Variants in TBC1D13 observed in about 807,000 individuals in gnomAD.
TBC1D13 encodes TBC1 domain family member 13.
TBC1D13 carries 40 observed loss-of-function variants against 53.6 expected under a neutral mutation model. The ratio of observed to expected loss-of-function variants is 0.75; its 90% CI spans 0.58 to 0.97. TBC1D13 has a LOEUF of 0.97. TBC1D13 is among the 50% of genes least tolerant of loss of function. The pLI, the probability that TBC1D13 is intolerant of heterozygous loss-of-function variation, is 0.00. For synonymous variants in TBC1D13, 182 were observed against 197.7 expected (o/e 0.92, Z 0.67); for missense variants, 377 against 499.4 (o/e 0.75, Z 2.34).
intron 11 of TBC1D13, 62 bp from the exon 12 acceptor site, chr9:128,807,752 G>T (rs751353040): frequency 1.2e-5 from 18 of 1,550,110 alleles, no homozygotes; most frequent in Non-Finnish European, 1.5e-5. Context: ...AGCAGGGAGG[G>T]TGTGGGTGTG....
chr9:128,799,792 C>T (rs140772379), intron 7 of TBC1D13, among the ~76,000 whole-genome samples: 21 of 152,274 alleles, frequency 1.4e-4, no homozygotes, highest in Non-Finnish European at 2.4e-4. Flanking sequence ...GAGGCTGAGG[C>T]GGGCGGATCA....
chr9:128,801,887 G>T (rs899422443), intron 7 of TBC1D13, among the ~76,000 whole-genome samples: 6 of 149,864 alleles, frequency 4.0e-5, no homozygotes, highest in African/African-American at 9.9e-5. Context: ...TCAGTCTCCC[G>T]AGTAGCTGGG....
rs1364079476 is a variant in TBC1D13, at chr9:128,806,035, A to T, written c.1079+16A>T. 1 of 1,610,714 alleles carries T rather than the reference A, an allele frequency of 6.2e-7. No individual in the cohort carries two copies. Among genetic ancestry groups the T allele is most frequent in the Non-Finnish European group, 8.5e-7 (1 of 1,177,602 alleles). On this transcript the variant is annotated intron_variant, in intron 10 of 11. Transcript: ENST00000372648. The stretch of plus-strand genomic sequence containing the variant: ...CCATGCTCATGTGAGTGCGGGCATG[A>T]GCTGTCATCAGCTCACCTGGGCAGT...
At chr9:128,787,401 G>T in intron 1 of TBC1D13, 25 bp downstream of exon 1, 1 of 1,255,920 alleles carries the variant, frequency 8.0e-7, no homozygotes, top group East Asian at 3.1e-5. Flanking sequence ...GGCCTGACCC[G>T]GCTGGGCCAC....
At chr9:128,792,628 T>C in intron 6 of TBC1D13, 54 bp downstream of exon 6, 1 of 1,511,576 alleles carries the variant, frequency 6.6e-7, no homozygotes, top group Non-Finnish European at 9.1e-7. Flanking sequence ...TGGGGCTCTC[T>C]GCAGCTCTGT....
chr9:128,789,472 C>T (rs1829490291), intron 2 of TBC1D13, among the ~76,000 whole-genome samples: 1 of 151,968 alleles, frequency 6.6e-6, no homozygotes, highest in Non-Finnish European at 1.5e-5. Context: ...ATAACTTTGT[C>T]TTTCTGTTTA....
At chr9:128,792,645 C>T (rs970836663) in intron 6 of TBC1D13, 71 bp downstream of exon 6, 1 of 1,422,838 alleles carries the variant, frequency 7.0e-7, no homozygotes, top group Non-Finnish European at 9.8e-7. Context: ...CTGTCTTTTC[C>T]ATTTGCAGGC....
At chr9:128,791,880 C>T (rs3793448) in intron 5 of TBC1D13, among the ~76,000 whole-genome samples, 187 bp downstream of exon 5, 145,329 of 152,264 alleles carry the variant, frequency 0.95, 69,367 homozygotes, top group Non-Finnish European at 0.96. Flanking sequence ...GTAAGACAAA[C>T]GATAGTTGGG....
At chr9:128,806,764 G>A (rs1589577902) in intron 11 of TBC1D13, among the ~76,000 whole-genome samples, 2 of 152,094 alleles carry the variant, frequency 1.3e-5, no homozygotes, top group Non-Finnish European at 1.5e-5. Flanking sequence ...CCAACATGGC[G>A]AAACCCCGTC....
At chr9:128,791,473 G>C (rs943151143) in intron 4 of TBC1D13, 32 bp downstream of exon 4, 2 of 1,612,588 alleles carry the variant, frequency 1.2e-6, no homozygotes, top group Non-Finnish European at 1.7e-6. Context: ...GTGACAGGAG[G>C]GCCCTTGCAT....
chr9:128,802,453 G>A (rs1056656312), intron 7 of TBC1D13, among the ~76,000 whole-genome samples: 2 of 152,168 alleles, frequency 1.3e-5, no homozygotes, highest in Non-Finnish European at 2.9e-5. Flanking sequence ...GTAAGTGCCA[G>A]TCAGTCAAGA....
chr9:128,806,449 AT>A, intron 11 of TBC1D13, 138 bp downstream of exon 11: 1 of 993,198 alleles, frequency 1.0e-6, no homozygotes, highest in Non-Finnish European at 1.5e-6. Context: ...CCCTGAGCAG[AT>A]CTGGTTTGGA....
Position 128,797,105 on chromosome 9 carries a change from G to T in TBC1D13, c.434G>T (p.Cys145Phe). The change falls in exon 7 of 12, where the codon TGC becomes TTC. Residue 145 changes from cysteine to phenylalanine, a missense_variant. Cys to Phe is a radical substitution (Grantham distance 205). Transcript: ENST00000372648. ...SFFQRATDYP[C>F]LLILDPQNEF... Reference sequence around the variant, plus strand: ...TTCCAGAGGGCCACTGACTACCCTTGCCTCCTCATCCTGGACCCCCAGAAT... The same window carrying T: ...TTCCAGAGGGCCACTGACTACCCTTTCCTCCTCATCCTGGACCCCCAGAAT... The T allele has an allele frequency of 6.2e-7, 1 of 1,614,020 alleles. No homozygotes were observed. The highest frequency in any genetic ancestry group is 8.5e-7 in the Non-Finnish European group (1 of 1,179,992).
At chr9:128,788,793 A>G (rs1445458986) in intron 2 of TBC1D13, among the ~76,000 whole-genome samples, 1 of 152,064 alleles carries the variant, frequency 6.6e-6, no homozygotes, top group Admixed American at 6.6e-5. Context: ...GAGTTTGGTT[A>G]ACTGCAGGGT....
intron 2 of TBC1D13, chr9:128,790,074 T>C (rs555340665): frequency 1.3e-5 from 2 of 151,282 alleles, no homozygotes; most frequent in Non-Finnish European, 2.9e-5. Context: ...CTGGCCAATA[T>C]GGTGAAACCC....
chr9:128,801,569 C>T (rs543062434), intron 7 of TBC1D13, among the ~76,000 whole-genome samples: 9 of 151,458 alleles, frequency 5.9e-5, no homozygotes, highest in Non-Finnish European at 1.2e-4. Flanking sequence ...CTCCCAGCTA[C>T]TCAGGAGGCT....
intron 2 of TBC1D13, among the ~76,000 whole-genome samples, chr9:128,790,213 C>T (rs1332779034): frequency 3.4e-5 from 5 of 148,580 alleles, no homozygotes; most frequent in Middle Eastern, 7.1e-3. Flanking sequence ...GCAGAAATCA[C>T]GCCATTGCAC....
At chr9:128,793,769 G>A (rs1055081076) in intron 6 of TBC1D13, among the ~76,000 whole-genome samples, 1 of 152,130 alleles carries the variant, frequency 6.6e-6, no homozygotes, top group African/African-American at 2.4e-5. Context: ...ACTCTGACCC[G>A]CAGTGACCCT....
chr9:128,807,151 A>G (rs530055753), intron 11 of TBC1D13, among the ~76,000 whole-genome samples: 1 of 149,118 alleles, frequency 6.7e-6, no homozygotes, highest in Admixed American at 6.7e-5. Context: ...CAGTGGTGCA[A>G]TCTCGGTTCA....
Sources: allele counts gnomAD v4.1 joint callset (sites outside exome capture counted in the v4.1 genomes callset), GRCh38; gene constraint gnomAD v4.1.1; transcripts MANE v1.5; gene names NCBI Gene and HGNC (gene_info 2026-07-23, HGNC 2026-07-21).